Variants in SLC2A11 observed in about 807,000 individuals in gnomAD.
SLC2A11 encodes solute carrier family 2, facilitated glucose transporter member 11.
In SLC2A11, 43 loss-of-function variants were observed where a neutral mutation model predicts 52.1. The ratio of observed to expected loss-of-function variants is 0.82; its 90% CI spans 0.65 to 1.06. The LOEUF is 1.06. Among genes scored for constraint, SLC2A11 ranks in the 50% least tolerant of loss-of-function variants. SLC2A11 has a pLI of 0.00. For synonymous variants in SLC2A11, 261 were observed against 277.6 expected (o/e 0.94, Z 0.59); for missense variants, 582 against 654.2 (o/e 0.89, Z 1.20).
At chr22:23,858,217 G>T in intron 1 of SLC2A11, 188 bp downstream of exon 1, 2 of 957,876 alleles carry the variant, frequency 2.1e-6, no homozygotes, top group Non-Finnish European at 3.3e-6. Flanking sequence ...TTACGCCCAG[G>T]GTCGGCCTGT....
intron 1 of SLC2A11, among the ~76,000 whole-genome samples, chr22:23,861,520 A>G (rs149772242): frequency 1.2e-3 from 189 of 152,274 alleles, no homozygotes; most frequent in African/African-American, 4.3e-3. Context: ...GAGAGCTGGG[A>G]TAGGGACCAG....
rs1335366608 is a variant in SLC2A11 at position 23,884,375 on chromosome 22, G to A, written c.1245G>A (p.Gly415=). Residue 415 remains glycine, a synonymous_variant, in exon 11 of 12, where the codon GGG becomes GGA. Coordinates refer to ENST00000316185, the MANE Select transcript of SLC2A11 (RefSeq NM_001024939.4). The surrounding 1 kb of genome is among the most constrained non-coding windows in gnomAD (Gnocchi z 4.3). ...MARPAACMVC[G]ALMWIMLILV... ...GGCCTGCTGCCTGCATGGTCTGCGG[G>A]GCGCTCATGTGGATCATGCTCATCC... 6.2e-7 allele frequency: 1 copy of A among 1,614,032 alleles called. No homozygotes were observed. The highest frequency in any genetic ancestry group is 1.1e-5 in the South Asian group (1 of 91,088).
Position 23,884,598 on chromosome 22 carries a change from T to C in SLC2A11, c.1300-51T>C. The C allele has an allele frequency of 6.3e-7, 1 of 1,579,462 alleles. No homozygotes were observed. The highest frequency in any genetic ancestry group is 1.4e-5 in the African/African-American group (1 of 73,820). ...TCACGACCTGTCATGGGCCTTCTGTTTAGGGGTTGATGGAGACACACCAGG... is the reference window on the plus strand; with the variant it reads ...TCACGACCTGTCATGGGCCTTCTGTCTAGGGGTTGATGGAGACACACCAGG... On this transcript the variant is annotated intron_variant, in intron 11 of 11. Coordinates refer to ENST00000316185, the MANE Select transcript of SLC2A11 (RefSeq NM_001024939.4). The surrounding 1 kb of genome is among the most constrained non-coding windows in gnomAD (Gnocchi z 4.3).
upstream of SLC2A11, chr22:23,857,585 C>CG (rs1568980501): frequency 4.1e-6 from 6 of 1,474,942 alleles, no homozygotes; most frequent in East Asian, 2.3e-5. Flanking sequence ...AAACCCCCCC[C>CG]CCGCGGCGGC....
chr22:23,873,517 C>A (rs997245357), intron 3 of SLC2A11, among the ~76,000 whole-genome samples: 1 of 151,808 alleles, frequency 6.6e-6, no homozygotes, highest in African/African-American at 2.4e-5. Context: ...ACCATGTTGG[C>A]CAGGCTGGTC....
chr22:23,862,375 C>T (rs1019046796), intron 2 of SLC2A11, 173 bp downstream of exon 2: 19 of 601,404 alleles, frequency 3.2e-5, no homozygotes, highest in Non-Finnish European at 5.4e-5. Context: ...TACATCTTCC[C>T]CAAACCTGCA....
At chr22:23,866,320 CA>C (rs2146113617) in intron 2 of SLC2A11, 1 of 156,408 alleles carries the variant, frequency 6.4e-6, no homozygotes, top group South Asian at 2.1e-4. Flanking sequence ...CCCCGAGAGG[CA>C]GCTGGTGGGC....
intron 1 of SLC2A11, among the ~76,000 whole-genome samples, chr22:23,860,295 T>C (rs1487491871): frequency 6.6e-6 from 1 of 152,042 alleles, no homozygotes; most frequent in Non-Finnish European, 1.5e-5. Flanking sequence ...GTGCCTGTAG[T>C]CCCAGCTACT....
At chr22:23,871,175 G>A (rs2032440788) in intron 3 of SLC2A11, 1 of 151,370 alleles carries the variant, frequency 6.6e-6, no homozygotes, top group Non-Finnish European at 1.5e-5. Flanking sequence ...GTAGACTGAG[G>A]CGGGGGGATC....
chr22:23,877,210 G>T, intron 5 of SLC2A11, 39 bp downstream of exon 5: 1 of 1,583,030 alleles, frequency 6.3e-7, no homozygotes. Flanking sequence ...GTATTTCGGA[G>T]ATACCAGTAA....
At chr22:23,873,323 G>A (rs1387459958) in intron 3 of SLC2A11, 2 of 147,596 alleles carry the variant, frequency 1.4e-5, no homozygotes, top group Non-Finnish European at 3.0e-5. Flanking sequence ...GTGTGTGTGT[G>A]TGTGTGCACG....
intron 6 of SLC2A11, among the ~76,000 whole-genome samples, chr22:23,878,125 C>T (rs758155976): frequency 2.0e-4 from 30 of 152,344 alleles, no homozygotes; most frequent in Admixed American, 1.6e-3. Flanking sequence ...GAGAAACACA[C>T]GCGCACACAC....
intron 3 of SLC2A11, among the ~76,000 whole-genome samples, chr22:23,873,515 G>A (rs2032525582): frequency 6.6e-6 from 1 of 151,994 alleles, no homozygotes; most frequent in Admixed American, 6.6e-5. Context: ...TCACCATGTT[G>A]GCCAGGCTGG....
chr22:23,858,039 C>G lies in SLC2A11; in HGVS notation c.30+10C>G. ...CCTGCGATCTAGAATGGTATGAATT[C>G]TCATACTTGCCCAGACCAGGCGTTT... On this transcript the variant is annotated intron_variant, in intron 1 of 11. Coordinates refer to ENST00000316185, the MANE Select transcript of SLC2A11 (RefSeq NM_001024939.4). The G allele has an allele frequency of 6.4e-7, 1 of 1,557,814 alleles. No homozygotes were observed.
chr22:23,884,130 TCA>T lies in SLC2A11; in HGVS notation c.1171+107_1171+108del, dbSNP rs1388814244. The T allele has an allele frequency of 6.6e-7, 1 of 1,517,048 alleles. No individual in the cohort carries two copies. Among genetic ancestry groups the T allele is most frequent in the Admixed American group, 2.2e-5 (1 of 45,270 alleles). The allele number at this position is 1,517,048 out of a possible 1,614,324, so 94.0% of individuals were successfully genotyped here. On this transcript the variant is annotated intron_variant, in intron 10 of 11. Transcript: ENST00000316185. The surrounding 1 kb of genome is among the most constrained non-coding windows in gnomAD (Gnocchi z 4.3). ...TGAATGCAATGTCCCCTGCAGGCCC[TCA>T]GAGACCACCTCATGCCGGGGCTTCT...
At chr22:23,865,116 A>AAAAAAC (rs2032212253) in intron 2 of SLC2A11, 1 of 147,632 alleles carries the variant, frequency 6.8e-6, no homozygotes, top group Admixed American at 6.8e-5. Context: ...AAAAAAAAAA[A>AAAAAAC]AAAAAAACCA....
chr22:23,857,918 A>C lies in SLC2A11; in HGVS notation c.-82A>C. On this transcript the variant is annotated 5_prime_UTR_variant, in exon 1 of 12. Coordinates refer to ENST00000316185, the MANE Select transcript of SLC2A11 (RefSeq NM_001024939.4). ...CTGCGCGCTGCCCTTCCCTCCGCGC[A>C]CAGGCTGCCGGCTCACCGCTTGCTA... 3 of 1,585,568 alleles carry C rather than the reference A, an allele frequency of 1.9e-6. No homozygotes were observed. The highest frequency in any genetic ancestry group is 2.6e-6 in the Non-Finnish European group (3 of 1,167,032).
intron 3 of SLC2A11, chr22:23,869,910 AG>A: frequency 1.5e-6 from 1 of 686,378 alleles, no homozygotes; most frequent in South Asian, 1.6e-5. Flanking sequence ...AAAGGGCAAA[AG>A]GCAAAAAGAG....
At chr22:23,877,685 G>T in intron 5 of SLC2A11, 36 bp from the exon 6 acceptor site, 1 of 1,530,144 alleles carries the variant, frequency 6.5e-7, no homozygotes, top group Non-Finnish European at 8.8e-7. Context: ...CTCTGGCAAA[G>T]AGGCATCTGG....
Sources: gnomAD v4.1 joint callset for allele counts (sites outside exome capture counted in the v4.1 genomes callset) on GRCh38, gnomAD v4.1.1 for gene constraint, Gnocchi (gnomAD v3.1) non-coding constraint, MANE v1.5 for transcripts, NCBI Gene and HGNC (gene_info 2026-07-23, HGNC 2026-07-21) for gene names.